CC2D1A: variants seen among roughly 807,000 people sequenced by gnomAD.
The protein encoded by CC2D1A is coiled-coil and C2 domain-containing protein 1A.
CC2D1A carries 68 observed loss-of-function variants against 123.8 expected under a neutral mutation model. The ratio of observed to expected loss-of-function variants is 0.55; its 90% confidence interval spans 0.45 to 0.67. The LOEUF is 0.67. Ranked by LOEUF, CC2D1A falls within the 30% of genes least tolerant of loss-of-function variation. The probability of loss-of-function intolerance (pLI) is 0.00; values close to 1 mark genes in which losing one functional copy is unlikely to be tolerated. For missense variants in CC2D1A, 1,185 were observed against 1,290.3 expected, an observed-to-expected ratio of 0.92 and a Z score of 1.25; for synonymous variants, 477 against 528.0, an observed-to-expected ratio of 0.90 and a Z score of 1.32.
chr19:13,918,442 T>A (rs1683230370), intron 7 of CC2D1A, 62 bp from the exon 8 acceptor site: 2 of 1,512,434 alleles, frequency 1.3e-6, no homozygotes, highest in Admixed American at 1.9e-5. Context: ...GCCCGGAGGC[T>A]CCCCACAGGG....
rs1227676958 is a variant in CC2D1A, at chr19:13,925,998, GTGTA to G, written c.1941-517_1941-514del. Reference sequence around the variant, plus strand: ...TGTGTATATATATATACATATATGTGTGTATATATATATATACGTATATATATGT... The same window carrying G: ...TGTGTATATATATATACATATATGTGTATATATATATACGTATATATATGT... On this transcript the variant is annotated intron_variant, in intron 17 of 28. Transcript: ENST00000318003. 1.9e-3 allele frequency among the ~76,000 whole-genome samples: 212 copies of G among 114,374 alleles called. 6 individuals carry two copies. Among genetic ancestry groups the G allele is most frequent in the African/African-American group, 0.01 (202 of 19,644 alleles). The allele number at this position is 114,374 out of a possible 152,430, so 75.0% of individuals were successfully genotyped here.
rs377016104 is a variant in CC2D1A at position 13,913,317 on chromosome 19, G to T, written c.513+15G>T. The T allele has an allele frequency of 1.2e-6, 2 of 1,610,210 alleles. No individual in the cohort carries two copies. Among genetic ancestry groups the T allele is most frequent in the Admixed American group, 1.7e-5 (1 of 59,676 alleles). On this transcript the variant is annotated intron_variant, in intron 5 of 28. Transcript: ENST00000318003. The stretch of plus-strand genomic sequence containing the variant: ...GGGGGCTTAAAGTAAGTGGGCAGAG[G>T]GCAGGGTACAGGGACCCCCCGCCAA...
At chr19:13,917,982 A>C in intron 6 of CC2D1A, 88 bp from the exon 7 acceptor site, 1 of 1,443,332 alleles carries the variant, frequency 6.9e-7, no homozygotes, top group Non-Finnish European at 9.3e-7. Flanking sequence ...AAAAGAAAAA[A>C]AAAATTAAAT....
Position 13,926,968 on chromosome 19 carries a change from C to T in CC2D1A, c.2126-10C>T. On this transcript the variant is annotated splice_polypyrimidine_tract_variant and intron_variant, in intron 20 of 28. Transcript: ENST00000318003. ...CCCACCCAACTTCCTCTCCCTCCTT[C>T]CTCCTGCAGAGTTCAAGGAGCAGTT... The T allele has an allele frequency of 3.1e-6, 5 of 1,613,628 alleles. No homozygotes were observed. Among genetic ancestry groups the T allele is most frequent in the Non-Finnish European group, 3.4e-6 (4 of 1,179,552 alleles).
At position 13,906,538 on chromosome 19, in the gene CC2D1A, TCCCCA is replaced by T; in HGVS notation, c.60+42_60+46del. ...CCCCACGGCCCGACCTGGGGATCCC[TCCCCA>T]CCCCCGTCACTCGCTCAGGGAAGGG... On this transcript the variant is annotated intron_variant, in intron 1 of 28. Transcript: ENST00000318003. This position sits in a 1 kb window ranked among gnomAD's most constrained non-coding sequence, Gnocchi z 4.1. 7.2e-7 allele frequency: 1 copy of T among 1,389,072 alleles called. No homozygotes were observed. Among genetic ancestry groups the T allele is most frequent in the Non-Finnish European group, 9.5e-7 (1 of 1,057,442 alleles). 86.0% of individuals were successfully genotyped at this position (1,389,072 alleles called of 1,614,324 possible). A position where few individuals can be genotyped will look rare whatever the true frequency, so the allele number is the denominator to read the frequency against.
Position 13,912,552 on chromosome 19 carries a change from GAGGAGCAGA to G in CC2D1A, c.341_349del (p.Glu114_Lys116del). 6.2e-7 allele frequency: 1 copy of G among 1,614,160 alleles called. No homozygotes were observed. The highest frequency in any genetic ancestry group is 8.5e-7 in the Non-Finnish European group (1 of 1,180,034). The stretch of plus-strand genomic sequence containing the variant: ...GGCGGAGCTAAATGAGGTCCTTGGA[GAGGAGCAGA>G]AGGCTTCAGAGACCCCACCTCCTGT... On this transcript the variant is annotated inframe_deletion, in exon 4 of 29. Coordinates refer to ENST00000318003, the MANE Select transcript of CC2D1A (RefSeq NM_017721.5).
rs778636075 is a variant in CC2D1A at position 13,919,193 on chromosome 19, G to C, written c.1213G>C (p.Val405Leu). 1.2e-6 allele frequency: 2 copies of C among 1,612,010 alleles called. No homozygotes were observed. Among genetic ancestry groups the C allele is most frequent in the East Asian group, 2.2e-5 (1 of 44,820 alleles). Residue 405 changes from valine to leucine, a missense_variant, in exon 11 of 29, where the codon GTG becomes CTG. By Grantham distance (32) the Val-to-Leu change is conservative (BLOSUM62 1). Coordinates refer to ENST00000318003, the MANE Select transcript of CC2D1A (RefSeq NM_017721.5). ...AGCCGTGGATGTCGCTGAATTGCCCGTGCCCCCAGGTAGGCCTTGCCCCTG... is the reference window on the plus strand; with the variant it reads ...AGCCGTGGATGTCGCTGAATTGCCCCTGCCCCCAGGTAGGCCTTGCCCCTG... ...GRAVDVAELP[V>L]PPGFPPIQGL...
chr19:13,920,513 A>G (rs62122099), intron 12 of CC2D1A, 44 bp from the exon 13 acceptor site: 87,633 of 1,180,734 alleles, frequency 0.074, 3,808 homozygotes, highest in South Asian at 0.1. Flanking sequence ...TGGACTCATC[A>G]CAGGCGCTAC....
At chr19:13,926,776 C>T in intron 19 of CC2D1A, 45 bp from the exon 20 acceptor site, 2 of 1,614,008 alleles carry the variant, frequency 1.2e-6, no homozygotes, top group Non-Finnish European at 1.7e-6. Context: ...GGGCCAAAGC[C>T]AGGTCCCAGG....
intron 24 of CC2D1A, among the ~76,000 whole-genome samples, chr19:13,928,836 G>A (rs1322077434): frequency 2.0e-5 from 3 of 151,382 alleles, no homozygotes; most frequent in Admixed American, 2.0e-4. Context: ...AGCCTCCTGA[G>A]TAGCTGGGAT....
chr19:13,906,707 C>T lies in CC2D1A; in HGVS notation c.60+206C>T, dbSNP rs1970756436. Among the ~76,000 whole-genome samples the T allele has an allele frequency of 6.6e-6, 1 of 152,238 alleles. No homozygotes were observed. Among genetic ancestry groups the T allele is most frequent in the African/African-American group, 2.4e-5 (1 of 41,470 alleles). ...AGCTCCTGGGGCCCTGCCCCGGGTT[C>T]GGGGCCACCTGTTGCCACAGCTGCT... is the stretch of plus-strand genomic sequence containing the variant. On this transcript the variant is annotated intron_variant, in intron 1 of 28. Coordinates refer to ENST00000318003, the MANE Select transcript of CC2D1A (RefSeq NM_017721.5). The surrounding 1 kb of genome is among the most constrained non-coding windows in gnomAD (Gnocchi z 4.1).
intron 6 of CC2D1A, among the ~76,000 whole-genome samples, chr19:13,917,105 C>T (rs1971232920): frequency 1.3e-5 from 2 of 152,166 alleles, no homozygotes; most frequent in South Asian, 4.1e-4. Flanking sequence ...GCATAAATTT[C>T]TGTGGGGGAC....
intron 1 of CC2D1A, among the ~76,000 whole-genome samples, chr19:13,908,305 C>T (rs1048131473): frequency 1.3e-4 from 19 of 151,912 alleles, no homozygotes; most frequent in Admixed American, 2.6e-4. Flanking sequence ...CCACCGTGCC[C>T]GGCCTAATTT....
intron 7 of CC2D1A, 127 bp from the exon 8 acceptor site, chr19:13,918,377 G>C: frequency 8.7e-7 from 1 of 1,146,796 alleles, no homozygotes. Context: ...AGAGGATTAA[G>C]CAAGATGGCA....
At position 13,906,205 on chromosome 19, in the gene CC2D1A, T is replaced by C; in HGVS notation, c.-237T>C. ...ACGCACTACCTGCCGGGAGTTGTAG[T>C]TTCGGCTCGGCAGACCCGGCGAGCC... On this transcript the variant is annotated 5_prime_UTR_variant, in exon 1 of 29. Transcript: ENST00000318003. This position sits in a 1 kb window ranked among gnomAD's most constrained non-coding sequence, Gnocchi z 4.1. The C allele has an allele frequency of 2.4e-6, 1 of 419,844 alleles. No homozygotes were observed. Among genetic ancestry groups the C allele is most frequent in the Non-Finnish European group, 4.2e-6 (1 of 236,088 alleles). 26.0% of individuals were successfully genotyped at this position (419,844 alleles called of 1,614,324 possible).
chr19:13,917,436 A>G (rs947920866), intron 6 of CC2D1A, among the ~76,000 whole-genome samples: 2 of 152,150 alleles, frequency 1.3e-5, no homozygotes, highest in Non-Finnish European at 2.9e-5. Context: ...GCAAGACTCT[A>G]TCTCTTTAAA....
In CC2D1A at chr19:13,930,218, C is replaced by G; in HGVS notation, c.2788-24C>G. ...GCAGGGTGGGGCCTGCAGGGACTAC[C>G]TGCTGAATGCCCATCCCCCACAGGA... On this transcript the variant is annotated intron_variant, in intron 27 of 28. Transcript: ENST00000318003. This position sits in a 1 kb window ranked among gnomAD's most constrained non-coding sequence, Gnocchi z 6.8. The G allele has an allele frequency of 6.2e-7, 1 of 1,613,890 alleles. No homozygotes were observed. Among genetic ancestry groups the G allele is most frequent in the Non-Finnish European group, 8.5e-7 (1 of 1,179,886 alleles).
chr19:13,907,042 A>T (rs146961682), intron 1 of CC2D1A, among the ~76,000 whole-genome samples: 64 of 152,228 alleles, frequency 4.2e-4, no homozygotes, highest in Non-Finnish European at 8.2e-4. Context: ...TGGTGTTCAG[A>T]TATTAGAGTC....
Position 13,926,089 on chromosome 19 carries a change from T to C in CC2D1A, c.1941-428T>C, listed in dbSNP as rs185124497. Among the ~76,000 whole-genome samples, 31 of 131,764 alleles carry C rather than the reference T, an allele frequency of 2.4e-4. No individual in the cohort carries two copies. The East Asian group carries it at 2.6e-3, about 11-fold the overall frequency. 86.4% of individuals were successfully genotyped at this position (131,764 alleles called of 152,430 possible). On this transcript the variant is annotated intron_variant, in intron 17 of 28. Transcript: ENST00000318003. ...ATACACACACACACACACACACACA[T>C]ATATATTAAGTGAAAAGAAGGTCCC...
Sources: gnomAD v4.1 joint callset for allele counts (sites outside exome capture counted in the v4.1 genomes callset) on GRCh38, gnomAD v4.1.1 for gene constraint, Gnocchi (gnomAD v3.1) non-coding constraint, MANE v1.5 for transcripts, NCBI Gene and HGNC (gene_info 2026-07-23, HGNC 2026-07-21) for gene names.